Variants in LRRTM3 observed in about 807,000 individuals in gnomAD.
LRRTM3 encodes leucine-rich repeat transmembrane neuronal protein 3.
In LRRTM3, 24 loss-of-function variants were observed where a neutral mutation model predicts 44.7. The ratio of observed to expected loss-of-function variants is 0.54; its 90% confidence interval spans 0.39 to 0.76. The LOEUF (loss-of-function observed/expected upper bound fraction) is 0.76, where lower values mean the gene tolerates loss of function less well. Ranked by LOEUF, LRRTM3 falls within the 30% of genes least tolerant of loss-of-function variation. LRRTM3 has a pLI of 0.00. For missense variants in LRRTM3, 587 were observed against 702.2 expected (o/e 0.84, Z 1.85); for synonymous variants, 277 against 278.7 (o/e 0.99, Z 0.06).
At chr10:66,997,984 T>A (rs1851452836) in intron 2 of LRRTM3, among the ~76,000 whole-genome samples, 1 of 152,212 alleles carries the variant, frequency 6.6e-6, no homozygotes, top group Non-Finnish European at 1.5e-5. Flanking sequence ...TCACTTGGAT[T>A]ATTGCAGTGA....
intron 2 of LRRTM3, among the ~76,000 whole-genome samples, chr10:67,022,333 CTG>C (rs150014515): frequency 1.3e-3 from 202 of 151,476 alleles, no homozygotes; most frequent in African/African-American, 4.7e-3. Flanking sequence ...ACACATGCCT[CTG>C]TGTGTGTGTG....
chr10:67,057,165 TAGAA>T (rs1412322056), intron 2 of LRRTM3, among the ~76,000 whole-genome samples: 2 of 152,164 alleles, frequency 1.3e-5, no homozygotes, highest in Non-Finnish European at 2.9e-5. Context: ...AATTGACAAA[TAGAA>T]AGAGTTTATA....
chr10:66,969,157 C>A (rs560355272), intron 2 of LRRTM3, among the ~76,000 whole-genome samples: 1 of 152,012 alleles, frequency 6.6e-6, no homozygotes, highest in East Asian at 1.9e-4. Flanking sequence ...TTTTAAAAAT[C>A]AAATATTAAT....
At chr10:66,942,175 C>T (rs1437505192) in intron 2 of LRRTM3, among the ~76,000 whole-genome samples, 1 of 152,060 alleles carries the variant, frequency 6.6e-6, no homozygotes, top group Non-Finnish European at 1.5e-5. Flanking sequence ...TTTCTCCTGT[C>T]GTTTGCTAGA....
chr10:67,068,569 A>G (rs536388823), intron 2 of LRRTM3, among the ~76,000 whole-genome samples: 92 of 152,340 alleles, frequency 6.0e-4, no homozygotes, highest in Middle Eastern at 3.4e-3. Context: ...GGTCAAGAAC[A>G]GAACTTTGGA....
intron 2 of LRRTM3, among the ~76,000 whole-genome samples, chr10:66,954,075 T>C (rs1848673300): frequency 6.6e-6 from 1 of 152,198 alleles, no homozygotes; most frequent in Non-Finnish European, 1.5e-5. Context: ...AATTCCTAAC[T>C]TAAAATGCTG....
At chr10:66,942,102 A>G (rs1848029147) in intron 2 of LRRTM3, among the ~76,000 whole-genome samples, 1 of 152,128 alleles carries the variant, frequency 6.6e-6, no homozygotes, top group Admixed American at 6.6e-5. Flanking sequence ...TCCCAGCACA[A>G]TTTTGAGGAT....
intron 2 of LRRTM3, among the ~76,000 whole-genome samples, chr10:66,973,217 G>A (rs1053262108): frequency 1.3e-5 from 2 of 152,050 alleles, no homozygotes; most frequent in African/African-American, 4.8e-5. Context: ...TATCAAAAAT[G>A]TCAGTTTCCA....
intron 2 of LRRTM3, among the ~76,000 whole-genome samples, chr10:67,074,367 T>C (rs1589700137): frequency 1.1e-5 from 1 of 88,150 alleles, no homozygotes; most frequent in Admixed American, 1.1e-4. Flanking sequence ...TTTTTTTTTT[T>C]TGAGACGGAG....
chr10:67,046,480 G>A (rs951034671), intron 2 of LRRTM3, among the ~76,000 whole-genome samples: 1 of 152,122 alleles, frequency 6.6e-6, no homozygotes, highest in Non-Finnish European at 1.5e-5. Context: ...ACATTGCCAC[G>A]ATATCTTCCT....
intron 2 of LRRTM3, among the ~76,000 whole-genome samples, chr10:66,972,132 A>G (rs1381821426): frequency 1.3e-5 from 2 of 152,132 alleles, no homozygotes; most frequent in East Asian, 3.9e-4. Context: ...TTATGATAGA[A>G]TATCGCCTTC....
At chr10:67,036,469 G>A (rs1177590868) in intron 2 of LRRTM3, among the ~76,000 whole-genome samples, 3 of 152,078 alleles carry the variant, frequency 2.0e-5, no homozygotes, top group Non-Finnish European at 4.4e-5. Flanking sequence ...TTTGAGATCA[G>A]CCTGGCCAAC....
At chr10:67,089,714 C>CGTGTGTGT (rs1857513211) in intron 2 of LRRTM3, among the ~76,000 whole-genome samples, 1 of 90,860 alleles carries the variant, frequency 1.1e-5, no homozygotes, top group Non-Finnish European at 2.4e-5. Flanking sequence ...TGTGTATATA[C>CGTGTGTGT]ATATGTGTGT....
intron 2 of LRRTM3, among the ~76,000 whole-genome samples, chr10:66,994,957 A>G (rs747384824): frequency 7.9e-5 from 12 of 152,046 alleles, no homozygotes; most frequent in Non-Finnish European, 1.8e-4. Flanking sequence ...CCAAGATGGA[A>G]CTCTCCACAA....
chr10:66,954,515 C>A (rs1190213993), intron 2 of LRRTM3, among the ~76,000 whole-genome samples: 1 of 152,148 alleles, frequency 6.6e-6, no homozygotes, highest in Non-Finnish European at 1.5e-5. Context: ...AATATTAATG[C>A]TGACCTCTTA....
chr10:67,044,051 T>C (rs1044727477), intron 2 of LRRTM3, among the ~76,000 whole-genome samples: 5 of 151,994 alleles, frequency 3.3e-5, no homozygotes, highest in African/African-American at 1.2e-4. Flanking sequence ...ACCCAGGTAG[T>C]AAACATAGTA....
intron 2 of LRRTM3, among the ~76,000 whole-genome samples, chr10:66,970,502 T>TCGG (rs1554888635): frequency 7.2e-6 from 1 of 138,522 alleles, no homozygotes; most frequent in African/African-American, 2.6e-5. Flanking sequence ...TATTCTTGGG[T>TCGG]GGGGGGGGGA....
intron 2 of LRRTM3, among the ~76,000 whole-genome samples, chr10:67,087,321 G>A (rs1201290509): frequency 2.0e-5 from 3 of 151,982 alleles, no homozygotes; most frequent in Non-Finnish European, 4.4e-5. Flanking sequence ...TGGAGATCAT[G>A]AGCAGTGCTT....
chr10:67,095,694 T>A (rs893250482), intron 2 of LRRTM3, among the ~76,000 whole-genome samples: 2 of 151,800 alleles, frequency 1.3e-5, no homozygotes, highest in Non-Finnish European at 2.9e-5. Context: ...ATATGAGGCA[T>A]AAGTTTCCAT....
Sources: gnomAD v4.1 joint callset for allele counts (sites outside exome capture counted in the v4.1 genomes callset) on GRCh38, gnomAD v4.1.1 for gene constraint, MANE v1.5 for transcripts, NCBI Gene and HGNC (gene_info 2026-07-23, HGNC 2026-07-21) for gene names.